HMCN2: variants seen among roughly 807,000 people sequenced by gnomAD.
The protein encoded by HMCN2 is hemicentin-2.
Under a neutral mutation model 377.5 loss-of-function variants are expected in HMCN2, and 325 were observed. The observed-to-expected ratio is 0.86, with a 90% CI of 0.79 to 0.94. The LOEUF (loss-of-function observed/expected upper bound fraction) is 0.94, where lower values mean the gene tolerates loss of function less well. Among genes scored for constraint, HMCN2 ranks in the 40% least tolerant of loss-of-function variants. The pLI is 0.00. For synonymous variants in HMCN2, 2,007 were observed against 2,046.8 expected (o/e 0.98, Z 0.53); for missense variants, 4,543 against 4,725.3 (o/e 0.96, Z 1.13).
chr9:130,349,598 C>T lies in HMCN2; in HGVS notation c.4365C>T (p.Asp1455=), dbSNP rs370769392. 4.6e-6 allele frequency: 6 copies of T among 1,304,080 alleles called. No individual in the cohort carries two copies. In the African/African-American group the frequency reaches 6.1e-5, roughly 13 times the overall value. 80.8% of individuals were successfully genotyped at this position (1,304,080 alleles called of 1,614,324 possible). Residue 1455 remains aspartate, a synonymous_variant, in exon 29 of 98, where the codon GAC becomes GAT. Transcript: ENST00000683500. ...AGGTGCTAGGATTGGCCGGTGCAGACGTGGAGCTGCAGTGTTGGACCTCAG... is the reference window on the plus strand; with the variant it reads ...AGGTGCTAGGATTGGCCGGTGCAGATGTGGAGCTGCAGTGTTGGACCTCAG... The part of the protein sequence containing the change: ...AQEVLGLAGA[D]VELQCWTSGV...
At chr9:130,382,993 G>C in intron 56 of HMCN2, 127 bp downstream of exon 56, 1 of 519,176 alleles carries the variant, frequency 1.9e-6, no homozygotes, top group Non-Finnish European at 2.5e-6. Flanking sequence ...CTGGAGCCCA[G>C]CCAAGAATCA....
At chr9:130,305,983 C>T (rs548331483) in intron 11 of HMCN2, 146 bp from the exon 12 acceptor site, 69 of 375,532 alleles carry the variant, frequency 1.8e-4, no homozygotes, top group African/African-American at 9.3e-4. Context: ...AAGCCACACC[C>T]GGGAGATTGA....
chr9:130,267,429 A>C (rs1834167912), intron 1 of HMCN2, among the ~76,000 whole-genome samples: 1 of 131,496 alleles, frequency 7.6e-6, no homozygotes, highest in African/African-American at 2.9e-5. Context: ...CAACCCCCCC[A>C]AATAAAACAC....
chr9:130,302,348 G>A (rs1836563447), intron 8 of HMCN2, among the ~76,000 whole-genome samples: 1 of 152,186 alleles, frequency 6.6e-6, no homozygotes, highest in African/African-American at 2.4e-5. Flanking sequence ...GCCTGGACTG[G>A]TGGGCTCATT....
At chr9:130,429,292 A>C in intron 93 of HMCN2, 1 of 498,976 alleles carries the variant, frequency 2.0e-6, no homozygotes, top group Non-Finnish European at 3.6e-6. Flanking sequence ...CCCAAGGGCT[A>C]GAATATGGAG....
intron 43 of HMCN2, among the ~76,000 whole-genome samples, chr9:130,366,534 A>G (rs1588320778): frequency 8.1e-6 from 1 of 122,848 alleles, no homozygotes; most frequent in Non-Finnish European, 1.6e-5. Flanking sequence ...GCTCATTGCA[A>G]CCTCCGCCTC....
chr9:130,425,790 A>G lies in HMCN2; in HGVS notation c.13745A>G (p.His4582Arg). Residue 4582 changes from histidine (H) to arginine (R), a missense_variant, in exon 90 of 98, where the codon CAC becomes CGC. Transcript: ENST00000683500. The stretch of plus-strand genomic sequence containing the variant: ...CTCCCCTCGTTCCTACGCTGCAACC[A>G]CAGCATCCAGTACAACGCGGCCCGG... ...GGLPSFLRCN[H>R]SIQYNAARGP... 6.4e-7 allele frequency: 1 copy of G among 1,550,408 alleles called. No individual in the cohort carries two copies. Among genetic ancestry groups the G allele is most frequent in the Non-Finnish European group, 8.7e-7 (1 of 1,146,958 alleles).
In HMCN2 at chr9:130,433,947, T is replaced by A; in HGVS notation, c.*254T>A. 7.3e-6 allele frequency: 3 copies of A among 411,118 alleles called. No individual in the cohort carries two copies. The highest frequency in any genetic ancestry group is 8.6e-6 in the Non-Finnish European group (2 of 233,914). The allele number at this position is 411,118 out of a possible 1,614,324, so 25.5% of individuals were successfully genotyped here. ...CAGGCAGGGCCCGGGGAAGCCCGGATCAGACCTCCAGGTCTGATCCGCCCC... is the reference window on the plus strand; with the variant it reads ...CAGGCAGGGCCCGGGGAAGCCCGGAACAGACCTCCAGGTCTGATCCGCCCC... On this transcript the variant is annotated 3_prime_UTR_variant, in exon 98 of 98. Coordinates refer to ENST00000683500, the MANE Select transcript of HMCN2 (RefSeq NM_001291815.2).
In HMCN2 at chr9:130,429,866, A is replaced by C. The variant is rs1844632585; in HGVS notation, c.14326+181A>C. 5.0e-6 allele frequency: 6 copies of C among 1,209,696 alleles called. No individual in the cohort carries two copies. The South Asian group carries it at 8.8e-5, about 18-fold the overall frequency. The allele number at this position is 1,209,696 out of a possible 1,614,324, so 74.9% of individuals were successfully genotyped here. A position where few individuals can be genotyped will look rare whatever the true frequency, so the allele number is the denominator to read the frequency against. ...TGAGTTCTGAGAATAACCAAACAGC[A>C]GCCGACACTTTGCACTCACTGGGTG... is the stretch of plus-strand genomic sequence containing the variant. On this transcript the variant is annotated intron_variant, in intron 94 of 97. Transcript: ENST00000683500.
Position 130,428,301 on chromosome 9 carries a change from G to A in HMCN2, c.14066-57G>A. ...TGGATAGGCCGGGCCAGGGTCAGGT[G>A]GCGAGGCACGCCTGGGGATCATGTT... On this transcript the variant is annotated intron_variant, in intron 92 of 97. Transcript: ENST00000683500. This position sits in a 1 kb window ranked among gnomAD's most constrained non-coding sequence, Gnocchi z 5.0. The A allele has an allele frequency of 6.8e-7, 1 of 1,471,152 alleles. No homozygotes were observed. The highest frequency in any genetic ancestry group is 9.0e-7 in the Non-Finnish European group (1 of 1,104,982). The allele number at this position is 1,471,152 out of a possible 1,614,324, so 91.1% of individuals were successfully genotyped here.
In HMCN2 at chr9:130,356,177, T is replaced by C; in HGVS notation, c.5345T>C (p.Leu1782Pro). 1 of 1,303,364 alleles carries C rather than the reference T, an allele frequency of 7.7e-7. No homozygotes were observed. Among genetic ancestry groups the C allele is most frequent in the Non-Finnish European group, 1.0e-6 (1 of 988,878 alleles). 80.7% of individuals were successfully genotyped at this position (1,303,364 alleles called of 1,614,324 possible). A position where few individuals can be genotyped will look rare whatever the true frequency, so the allele number is the denominator to read the frequency against. The change falls in exon 34 of 98, where the codon CTG becomes CCG. Residue 1782 changes from leucine (L) to proline (P), a missense_variant. By Grantham distance (98) the Leu-to-Pro change is moderately conservative (BLOSUM62 -3). Around this residue, in one of 5 missense-constraint regions of HMCN2, gnomAD observed 1,032 missense variants for 1,285.1 expected, o/e 0.80. Coordinates refer to ENST00000683500, the MANE Select transcript of HMCN2 (RefSeq NM_001291815.2). ...ACACTGCACATTGACCATGTGGAGC[T>C]GGACCACTCAGGCCTCTTCGCCTGC... ...GTTLHIDHVE[L>P]DHSGLFACQA...
intron 45 of HMCN2, among the ~76,000 whole-genome samples, chr9:130,370,068 C>CCT (rs57508368): frequency 0.12 from 18,716 of 152,050 alleles, 1,303 homozygotes; most frequent in African/African-American, 0.17. Context: ...CCCCAATTCG[C>CCT]CTCTCCTCCC....
In HMCN2 at chr9:130,420,276, G is replaced by A. The variant is rs112196722; in HGVS notation, c.13231+1235G>A. 5.8e-3 allele frequency among the ~76,000 whole-genome samples: 879 copies of A among 151,742 alleles called. 10 individuals carry two copies. Among genetic ancestry groups the A allele is most frequent in the African/African-American group, 0.014 (592 of 41,328 alleles). ...TTTTTAGTACAGATGGGGTTTCACC[G>A]CGTTAGCCAGGATGGTGTCTATCTC... On this transcript the variant is annotated intron_variant, in intron 86 of 97. Coordinates refer to ENST00000683500, the MANE Select transcript of HMCN2 (RefSeq NM_001291815.2).
chr9:130,410,679 G>A, intron 85 of HMCN2, 27 bp downstream of exon 85: 1 of 1,546,294 alleles, frequency 6.5e-7, no homozygotes, highest in South Asian at 1.2e-5. Context: ...GCAGAGTGGG[G>A]ACGTGGGAAG....
In HMCN2 at chr9:130,332,390, C is replaced by T. The variant is rs896873984; in HGVS notation, c.3359+4915C>T. On this transcript the variant is annotated intron_variant, in intron 22 of 97. Coordinates refer to ENST00000683500, the MANE Select transcript of HMCN2 (RefSeq NM_001291815.2). Reference sequence around the variant, plus strand: ...GACACCAGGACCACACCTCCGGAGGCTCAGTCTTCTCCTCTGCAAAAGGGG... The same window carrying T: ...GACACCAGGACCACACCTCCGGAGGTTCAGTCTTCTCCTCTGCAAAAGGGG... 3.3e-5 allele frequency among the ~76,000 whole-genome samples: 5 copies of T among 152,216 alleles called. No individual in the cohort carries two copies. In the South Asian group the frequency reaches 1.0e-3, roughly 32 times the overall value.
At chr9:130,404,573 C>T (rs1842997611) in intron 80 of HMCN2, among the ~76,000 whole-genome samples, 1 of 152,258 alleles carries the variant, frequency 6.6e-6, no homozygotes, top group African/African-American at 2.4e-5. Flanking sequence ...GGACCCTGCC[C>T]AAGGCCTCTG....
intron 54 of HMCN2, among the ~76,000 whole-genome samples, chr9:130,379,869 TA>T (rs1841609652): frequency 1.3e-5 from 2 of 151,722 alleles, no homozygotes; most frequent in Non-Finnish European, 1.5e-5. Flanking sequence ...GTTTTTTTTC[TA>T]TTTTTTTCTA....
In HMCN2 at chr9:130,369,702, C is replaced by G. The variant is rs538973455; in HGVS notation, c.6920C>G (p.Pro2307Arg). 9.1e-6 allele frequency: 9 copies of G among 985,934 alleles called. No individual in the cohort carries two copies. In the African/African-American group the frequency reaches 1.6e-4, roughly 17 times the overall value. 61.1% of individuals were successfully genotyped at this position (985,934 alleles called of 1,614,324 possible). The change falls in exon 45 of 98, where the codon CCC becomes CGC. Residue 2307 changes from proline to arginine, a missense_variant. Coordinates refer to ENST00000683500, the MANE Select transcript of HMCN2 (RefSeq NM_001291815.2). The surrounding 1 kb of genome is among the most constrained non-coding windows in gnomAD (Gnocchi z 4.5). ...PTVTWERDGQ[P>R]VGAELGLQLQ... ...GTGACATGGGAGCGGGACGGCCAGC[C>G]CGTGGGGGCTGAACTGGGCCTGCAG...
chr9:130,370,728 G>C (rs1414341344), intron 45 of HMCN2, among the ~76,000 whole-genome samples: 1 of 152,212 alleles, frequency 6.6e-6, no homozygotes, highest in Non-Finnish European at 1.5e-5. Context: ...TCCCGCTGAG[G>C]GCTTGGGGAG....
Sources: gnomAD v4.1 joint callset for allele counts (sites outside exome capture counted in the v4.1 genomes callset) on GRCh38, gnomAD v4.1.1 for gene constraint, gnomAD v4.1.1 regional missense constraint, Gnocchi (gnomAD v3.1) non-coding constraint, MANE v1.5 for transcripts, NCBI Gene and HGNC (gene_info 2026-07-23, HGNC 2026-07-21) for gene names.